The following PRPF19 variants were observed in gnomAD, a reference collection of about 807,000 sequenced individuals.
PRPF19 encodes the protein pre-mRNA processing factor 19, also known as pre-mRNA-processing factor 19.
In PRPF19, 2 loss-of-function variants were observed where a neutral mutation model predicts 64.2. The ratio of observed to expected loss-of-function variants is 0.03; its 90% CI spans 0.01 to 0.10. PRPF19 has a LOEUF of 0.10. Among genes scored for constraint, PRPF19 ranks in the 10% least tolerant of loss-of-function variants. PRPF19 has a pLI of 1.00. For missense variants in PRPF19, 314 were observed against 650.0 expected, an observed-to-expected ratio of 0.48 and a Z score of 5.62; for synonymous variants, 226 against 251.6, an observed-to-expected ratio of 0.90 and a Z score of 0.96.
At chr11:60,903,685 C>T (rs769316948) in intron 2 of PRPF19, 27 bp downstream of exon 2, 5 of 1,582,694 alleles carry the variant, frequency 3.2e-6, no homozygotes, top group Non-Finnish European at 4.3e-6. Context: ...GCTAAGATGG[C>T]CCTAGACTAA....
chr11:60,902,654 G>A lies in PRPF19; in HGVS notation c.391C>T (p.Leu131=), dbSNP rs1855996412. The A allele has an allele frequency of 4.3e-6, 7 of 1,614,234 alleles. No individual in the cohort carries two copies. Among genetic ancestry groups the A allele is most frequent in the African/African-American group, 1.3e-5 (1 of 75,062 alleles). ...TKEVTAAREA[L]ATLKPQAGLI... The stretch of plus-strand genomic sequence containing the variant: ...CCAGCCTGTGGTTTCAGGGTAGCCA[G>A]AGCTGAGAGAAAAGACGATGTTAGA... The change falls in exon 5 of 16, where the codon CTG becomes TTG. Residue 131 remains leucine (L), a splice_region_variant and synonymous_variant. Coordinates refer to ENST00000227524, the MANE Select transcript of PRPF19 (RefSeq NM_014502.5). The surrounding 1 kb of genome is among the most constrained non-coding windows in gnomAD (Gnocchi z 5.0).
chr11:60,898,317 G>A lies in PRPF19; in HGVS notation c.1141-46C>T, dbSNP rs758710701. 5 of 1,595,912 alleles carry A rather than the reference G, an allele frequency of 3.1e-6. No homozygotes were observed. Among genetic ancestry groups the A allele is most frequent in the South Asian group, 2.2e-5 (2 of 89,054 alleles). ...AAAATACGTCACCCACAGATCATGA[G>A]AGGAAGAAAATGGGGCTCACCAAAC... On this transcript the variant is annotated intron_variant, in intron 13 of 15. Transcript: ENST00000227524. This position sits in a 1 kb window ranked among gnomAD's most constrained non-coding sequence, Gnocchi z 4.6.
At chr11:60,891,472 G>A (rs1855857681) in intron 15 of PRPF19, among the ~76,000 whole-genome samples, 1 of 152,174 alleles carries the variant, frequency 6.6e-6, no homozygotes, top group Non-Finnish European at 1.5e-5. Flanking sequence ...TGGGATGAAT[G>A]AATAAAGCAA....
rs74543275 is a variant in PRPF19, at chr11:60,899,500, T to C, written c.829-196A>G. Reference sequence around the variant, plus strand: ...TAAACGCTATTAAAGTGCTAACTCATACAGCATCAGGGCTTGTGGAGGCGT... The same window carrying C: ...TAAACGCTATTAAAGTGCTAACTCACACAGCATCAGGGCTTGTGGAGGCGT... On this transcript the variant is annotated intron_variant, in intron 10 of 15. Transcript: ENST00000227524. Among the ~76,000 whole-genome samples, 1,263 of 152,354 alleles carry C rather than the reference T, an allele frequency of 8.3e-3. 15 individuals carry two copies. Among genetic ancestry groups the C allele is most frequent in the African/African-American group, 0.029 (1,185 of 41,572 alleles).
Position 60,906,411 on chromosome 11 carries a change from C to T in PRPF19, c.-29G>A. On this transcript the variant is annotated 5_prime_UTR_variant, in exon 1 of 16. It adds an upstream start codon to the 5' untranslated region. Coordinates refer to ENST00000227524, the MANE Select transcript of PRPF19 (RefSeq NM_014502.5). ...GCCGTCACCGTGCTCCGAGGCGCCA[C>T]ACGCCGGGCTCCGGGACTAGCTTCT... 1.3e-6 allele frequency: 2 copies of T among 1,557,938 alleles called. No homozygotes were observed. The highest frequency in any genetic ancestry group is 1.7e-6 in the Non-Finnish European group (2 of 1,154,096).
At chr11:60,901,000 T>C (rs931276462) in intron 8 of PRPF19, 71 bp from the exon 9 acceptor site, 1 of 1,513,654 alleles carries the variant, frequency 6.6e-7, no homozygotes, top group Non-Finnish European at 9.2e-7. Flanking sequence ...AGACCTCCCC[T>C]ACTGCCATCT....
intron 15 of PRPF19, among the ~76,000 whole-genome samples, chr11:60,891,647 C>T (rs1855859928): frequency 6.6e-6 from 1 of 152,184 alleles, no homozygotes; most frequent in African/African-American, 2.4e-5. Flanking sequence ...AACCCCAGGG[C>T]ACTCAGGCCC....
At chr11:60,899,036 A>T in intron 11 of PRPF19, 105 bp from the exon 12 acceptor site, 1 of 1,511,302 alleles carries the variant, frequency 6.6e-7, no homozygotes, top group East Asian at 2.4e-5. Flanking sequence ...CCTGGCAAAC[A>T]TTCTCCTTTG....
intron 10 of PRPF19, 54 bp downstream of exon 10, chr11:60,900,528 G>A: frequency 7.2e-7 from 1 of 1,385,096 alleles, no homozygotes; most frequent in Non-Finnish European, 1.0e-6. Flanking sequence ...CGGGGTGAGG[G>A]ACAAACAACA....
intron 10 of PRPF19, among the ~76,000 whole-genome samples, chr11:60,900,378 C>T (rs1367947178): frequency 6.6e-6 from 1 of 152,200 alleles, no homozygotes; most frequent in East Asian, 1.9e-4. Context: ...CGTTCTCTCC[C>T]TGGCTGGAAG....
At position 60,903,761 on chromosome 11, in the gene PRPF19, G is replaced by T; in HGVS notation, c.120C>A (p.Asp40Glu). 6.2e-7 allele frequency: 1 copy of T among 1,604,662 alleles called. No individual in the cohort carries two copies. The highest frequency in any genetic ancestry group is 8.5e-7 in the Non-Finnish European group (1 of 1,177,894). ...IEKYIAENGTDPINNQPLSEE... is the reference protein window; with the variant it reads ...IEKYIAENGTEPINNQPLSEE... ...CGGAGAGAGGCTGGTTGTTGATGGG[G>T]TCGGTACCATTCTCCGCAATGTACT... The change falls in exon 2 of 16, where the codon GAC (aspartate) becomes GAA (glutamate). Residue 40 changes from aspartate (D) to glutamate (E), a missense_variant. By Grantham distance (45) the Asp-to-Glu change is conservative. Coordinates refer to ENST00000227524, the MANE Select transcript of PRPF19 (RefSeq NM_014502.5).
Position 60,897,899 on chromosome 11 carries a change from G to C in PRPF19, c.1364C>G (p.Thr455Arg). The C allele has an allele frequency of 6.2e-7, 1 of 1,614,194 alleles. No homozygotes were observed. Among genetic ancestry groups the C allele is most frequent in the South Asian group, 1.1e-5 (1 of 91,080 alleles). ...QSGTYLALGG[T>R]DVQIYICKQW... is the part of the protein sequence containing the mutation. ...TTTGCAGATGTAGATCTGGACATCC[G>C]TGCCCCCAAGAGCCAGGTAGGTACC... The change falls in exon 15 of 16, where the codon ACG becomes AGG. Residue 455 changes from threonine (T) to arginine (R), a missense_variant. By Grantham distance (71) the Thr-to-Arg change is moderately conservative. Coordinates refer to ENST00000227524, the MANE Select transcript of PRPF19 (RefSeq NM_014502.5).
rs1248010428 is a variant in PRPF19, at chr11:60,890,675, A to C, written c.*491T>G. ...TCCCAGTGTGTGCTCCCTCCCCTTG[A>C]CCTTCCCAGTCCCAGGTGCTCCTGG... On this transcript the variant is annotated 3_prime_UTR_variant, in exon 16 of 16. Transcript: ENST00000227524. The C allele has an allele frequency of 2.2e-6, 1 of 450,544 alleles. No individual in the cohort carries two copies. Among genetic ancestry groups the C allele is most frequent in the Non-Finnish European group, 4.5e-6 (1 of 224,042 alleles). The allele number at this position is 450,544 out of a possible 1,614,324, so 27.9% of individuals were successfully genotyped here.
chr11:60,898,022 A>G lies in PRPF19; in HGVS notation c.1312-71T>C. 1.9e-6 allele frequency: 3 copies of G among 1,608,090 alleles called. No homozygotes were observed. The South Asian group carries it at 3.3e-5, about 18-fold the overall frequency. ...CTATGGGGCAGTTGCGGATAAGCAG[A>G]AGCAATTAGATTAATTCAATAAATA... On this transcript the variant is annotated intron_variant, in intron 14 of 15. Coordinates refer to ENST00000227524, the MANE Select transcript of PRPF19 (RefSeq NM_014502.5). The surrounding 1 kb of genome is among the most constrained non-coding windows in gnomAD (Gnocchi z 4.6).
chr11:60,901,242 C>T (rs1409151748), intron 8 of PRPF19, 53 bp downstream of exon 8: 12 of 1,597,124 alleles, frequency 7.5e-6, no homozygotes, highest in Non-Finnish European at 9.4e-6. Context: ...CCGCCCACCC[C>T]AGAAACAAAA....
intron 15 of PRPF19, among the ~76,000 whole-genome samples, chr11:60,893,042 G>A (rs1317486235): frequency 5.3e-5 from 8 of 151,942 alleles, no homozygotes; most frequent in Admixed American, 1.3e-4. Context: ...TGTCAGCGAC[G>A]GACCACACAA....
chr11:60,901,630 G>T, intron 6 of PRPF19, 90 bp from the exon 7 acceptor site: 12 of 1,483,442 alleles, frequency 8.1e-6, no homozygotes, highest in Non-Finnish European at 1.0e-5. Flanking sequence ...TTCAAAAGCA[G>T]CACCAAGAAC....
intron 1 of PRPF19, 54 bp from the exon 2 acceptor site, chr11:60,903,915 A>G: frequency 6.3e-7 from 1 of 1,579,746 alleles, no homozygotes; most frequent in South Asian, 1.2e-5. Flanking sequence ...TTGGGCCTAG[A>G]GGATTCCTCA....
At chr11:60,895,007 C>A (rs960274341) in intron 15 of PRPF19, among the ~76,000 whole-genome samples, 3 of 152,200 alleles carry the variant, frequency 2.0e-5, no homozygotes, top group African/African-American at 4.8e-5. Context: ...ATTTACAGAG[C>A]ACAGGCAGAG....
Sources: allele counts gnomAD v4.1 joint callset (sites outside exome capture counted in the v4.1 genomes callset), GRCh38; gene constraint gnomAD v4.1.1; non-coding constraint Gnocchi (gnomAD v3.1); transcripts MANE v1.5; gene names NCBI Gene and HGNC (gene_info 2026-07-23, HGNC 2026-07-21).